Variants in ACE observed in about 807,000 individuals in gnomAD.
ACE encodes the protein angiotensin I converting enzyme, also known as angiotensin-converting enzyme.
A neutral mutation model predicts 162.3 loss-of-function variants in ACE; 122 were observed. The observed-to-expected ratio is 0.75, with a 90% CI of 0.65 to 0.87. The LOEUF is 0.87. Ranked by LOEUF, ACE falls within the 40% of genes least tolerant of loss-of-function variation. ACE has a pLI of 0.00. For missense variants in ACE, 1,799 were observed against 1,735.1 expected (o/e 1.04, Z -0.65); for synonymous variants, 796 against 720.6 (o/e 1.10, Z -1.68).
rs766909364 is a variant in ACE, at chr17:63,483,480, GTCC to G, written c.1513_1515del (p.Pro505del). On this transcript the variant is annotated inframe_deletion, in exon 10 of 25. Coordinates refer to ENST00000290866, the MANE Select transcript of ACE (RefSeq NM_000789.4). Reference sequence around the variant, plus strand: ...TCCAGAACCAAGTATCAGGGGATCTGTCCTCCTGTTACCCGAAACGAAACCCAC... The same window carrying G: ...TCCAGAACCAAGTATCAGGGGATCTGTCCTGTTACCCGAAACGAAACCCAC... The G allele has an allele frequency of 2.3e-5, 37 of 1,614,054 alleles. No homozygotes were observed. The East Asian group carries it at 2.9e-4, about 13-fold the overall frequency.
chr17:63,481,458 A>C, intron 6 of ACE, 108 bp from the exon 7 acceptor site: 1 of 1,266,000 alleles, frequency 7.9e-7, no homozygotes, highest in Non-Finnish European at 1.1e-6. Flanking sequence ...GCCACAGAGC[A>C]GAGAAGCTTT....
intron 1 of ACE, 30 bp downstream of exon 1, chr17:63,477,373 G>A (rs1599136613): frequency 1.6e-6 from 2 of 1,221,224 alleles, no homozygotes; most frequent in South Asian, 3.3e-5. Flanking sequence ...CGGGGGCGGG[G>A]CGGGGCCGCG....
rs1476011360 is a variant in ACE at position 63,488,691 on chromosome 17, GT to G, written c.2351del (p.Leu784TyrfsTer36). ...MATSRKYEDL[L>X]WAWEGWRDKA... ...CCACGTCCCGGAAATATGAAGACCT[GT>G]TATGGGCATGGGAGGGCTGGCGAGA... On this transcript the variant is annotated frameshift_variant, in exon 16 of 25. Transcript: ENST00000290866. LOFTEE classifies it high-confidence loss of function. The G allele has an allele frequency of 1.2e-6, 2 of 1,613,532 alleles. No individual in the cohort carries two copies. Among genetic ancestry groups the G allele is most frequent in the Non-Finnish European group, 1.7e-6 (2 of 1,179,928 alleles).
chr17:63,493,413 C>T, intron 19 of ACE, 23 bp from the exon 20 acceptor site: 2 of 1,611,038 alleles, frequency 1.2e-6, no homozygotes, highest in East Asian at 2.2e-5. Flanking sequence ...CCAACACCCT[C>T]TCCCCCACTC....
chr17:63,477,288 T>G lies in ACE; in HGVS notation c.194T>G (p.Val65Gly). 1 of 1,440,298 alleles carries G rather than the reference T, an allele frequency of 6.9e-7. No homozygotes were observed. Among genetic ancestry groups the G allele is most frequent in the Non-Finnish European group, 9.2e-7 (1 of 1,090,718 alleles). The allele number at this position is 1,440,298 out of a possible 1,614,324, so 89.2% of individuals were successfully genotyped here. The change falls in exon 1 of 25, where the codon GTG (valine) becomes GGG (glycine). Residue 65 changes from valine to glycine, a missense_variant. Transcript: ENST00000290866. Reference protein sequence around the residue: ...SSAEQVLFQSVAASWAHDTNI... With the variant: ...SSAEQVLFQSGAASWAHDTNI... ...GCCGAACAGGTGCTGTTCCAGAGCG[T>G]GGCCGCCAGCTGGGCGCACGACACC...
chr17:63,496,532 C>T lies in ACE; in HGVS notation c.3503+16C>T, dbSNP rs191964738. The T allele has an allele frequency of 6.2e-7, 1 of 1,613,962 alleles. No homozygotes were observed. Among genetic ancestry groups the T allele is most frequent in the East Asian group, 2.2e-5 (1 of 44,888 alleles). On this transcript the variant is annotated intron_variant, in intron 23 of 24. Coordinates refer to ENST00000290866, the MANE Select transcript of ACE (RefSeq NM_000789.4). ...AGCGCCTGGCGTGAGTGTCCTCCAG[C>T]CCTCCTTTGTTTCCATGCTCTGGCC...
Position 63,479,051 on chromosome 17 carries a change from C to T in ACE, c.462C>T (p.Ala154=), listed in dbSNP as rs1211326142. 2 of 1,613,726 alleles carry T rather than the reference C, an allele frequency of 1.2e-6. No homozygotes were observed. The highest frequency in any genetic ancestry group is 2.2e-5 in the South Asian group (2 of 91,006). Residue 154 remains alanine, a synonymous_variant, in exon 3 of 25, where the codon GCC becomes GCT. Transcript: ENST00000290866. Reference sequence around the variant, plus strand: ...ACATGAGCAGGATCTACTCCACCGCCAAGGTCTGCCTCCCCAACAAGACTG... The same window carrying T: ...ACATGAGCAGGATCTACTCCACCGCTAAGGTCTGCCTCCCCAACAAGACTG... The part of the protein sequence containing the change: ...LSNMSRIYST[A]KVCLPNKTAT...
chr17:63,478,149 C>A, intron 2 of ACE, 51 bp downstream of exon 2: 2 of 1,547,258 alleles, frequency 1.3e-6, no homozygotes, highest in Non-Finnish European at 1.7e-6. Context: ...AGTGCCCCAT[C>A]GTGGGGGTCG....
chr17:63,481,189 G>T lies in ACE; in HGVS notation c.945+1G>T. The T allele has an allele frequency of 6.5e-7, 1 of 1,531,502 alleles. No homozygotes were observed. Among genetic ancestry groups the T allele is most frequent in the Non-Finnish European group, 8.9e-7 (1 of 1,125,168 alleles). 94.9% of individuals were successfully genotyped at this position (1,531,502 alleles called of 1,614,324 possible). A position where few individuals can be genotyped will look rare whatever the true frequency, so the allele number is the denominator to read the frequency against. On this transcript the variant is annotated splice_donor_variant, in intron 6 of 24. Coordinates refer to ENST00000290866, the MANE Select transcript of ACE (RefSeq NM_000789.4). LOFTEE classifies it high-confidence loss of function. ...TGTCACCAGTACTATGCTGCAGCAG[G>T]TAAGCTCTGGGCTCAAGCCTGGGGT...
intron 4 of ACE, 21 bp from the exon 5 acceptor site, chr17:63,480,316 A>G (rs1474224809): frequency 6.2e-7 from 1 of 1,612,702 alleles, no homozygotes; most frequent in Non-Finnish European, 8.5e-7. Context: ...TGAGCTACAT[A>G]CCTCACCCCC....
At chr17:63,485,433 C>A in intron 13 of ACE, 61 bp downstream of exon 13, 2 of 1,601,780 alleles carry the variant, frequency 1.2e-6, no homozygotes, top group Non-Finnish European at 1.7e-6. Flanking sequence ...GATGCTGTCC[C>A]GCTCACCACA....
chr17:63,489,306 C>T (rs1162459135), intron 17 of ACE, among the ~76,000 whole-genome samples, 174 bp downstream of exon 17: 1 of 152,170 alleles, frequency 6.6e-6, no homozygotes, highest in African/African-American at 2.4e-5. Context: ...GGGAGCCCCC[C>T]ACTTGCATCT....
rs2049629181 is a variant in ACE at position 63,477,150 on chromosome 17, T to TGTTGCTGCTGCCGCCGCA, written c.58_75dup (p.Leu20_Gln25dup). The stretch of plus-strand genomic sequence containing the variant: ...GGGCTGCTGCTGCCGCTGCCGCTGC[T>TGTTGCTGCTGCCGCCGCA]GTTGCTGCTGCCGCCGCAGCCCGCC... On this transcript the variant is annotated inframe_insertion, in exon 1 of 25. Transcript: ENST00000290866. The TGTTGCTGCTGCCGCCGCA allele has an allele frequency of 2.1e-6, 3 of 1,441,220 alleles. No individual in the cohort carries two copies. Among genetic ancestry groups the TGTTGCTGCTGCCGCCGCA allele is most frequent in the Non-Finnish European group, 2.7e-6 (3 of 1,097,792 alleles). 89.3% of individuals were successfully genotyped at this position (1,441,220 alleles called of 1,614,324 possible). A position where few individuals can be genotyped will look rare whatever the true frequency, so the allele number is the denominator to read the frequency against.
intron 5 of ACE, 139 bp from the exon 6 acceptor site, chr17:63,480,951 AT>A (rs1191376296): frequency 1.3e-6 from 1 of 792,234 alleles, no homozygotes; most frequent in South Asian, 1.4e-5. Context: ...GATGTGTGAG[AT>A]TTCTGGCCCT....
chr17:63,483,425 C>G, intron 9 of ACE, 35 bp from the exon 10 acceptor site: 1 of 1,581,648 alleles, frequency 6.3e-7, no homozygotes, highest in Non-Finnish European at 8.7e-7. Context: ...TTTGCAACCT[C>G]TAGGCCCTAA....
Position 63,484,539 on chromosome 17 carries a change from T to G in ACE, c.1919T>G (p.Ile640Arg), listed in dbSNP as rs1307478617. 1 of 1,610,712 alleles carries G rather than the reference T, an allele frequency of 6.2e-7. No homozygotes were observed. The highest frequency in any genetic ancestry group is 1.7e-5 in the Admixed American group (1 of 59,792). ...PPLPDNYPEG[I>R]DLVTDEAEAS... The stretch of plus-strand genomic sequence containing the variant: ...TTGCCTGACAACTACCCGGAGGGCA[T>G]AGGTAAAGCCCTGAGTGAGGATGGT... Residue 640 changes from isoleucine (I) to arginine (R), a missense_variant and splice_region_variant, in exon 12 of 25, where the codon ATA (isoleucine) becomes AGA (arginine). Physicochemically the swap from Ile to Arg is moderately conservative, Grantham distance 97 (BLOSUM62 -3). Transcript: ENST00000290866. The surrounding 1 kb of genome is among the most constrained non-coding windows in gnomAD (Gnocchi z 4.0).
At position 63,482,394 on chromosome 17, in the gene ACE, T is replaced by C. The variant is rs2049724767; in HGVS notation, c.1119-72T>C. Reference sequence around the variant, plus strand: ...CTCATTCCTGTCTTTCAGGTGCCAATCTGCCCTGTGCCCTGGCCCTGCCCT... The same window carrying C: ...CTCATTCCTGTCTTTCAGGTGCCAACCTGCCCTGTGCCCTGGCCCTGCCCT... On this transcript the variant is annotated intron_variant, in intron 7 of 24. Coordinates refer to ENST00000290866, the MANE Select transcript of ACE (RefSeq NM_000789.4). 3 of 1,407,966 alleles carry C rather than the reference T, an allele frequency of 2.1e-6. No homozygotes were observed. In the Admixed American group the frequency reaches 5.6e-5, roughly 26 times the overall value. 87.2% of individuals were successfully genotyped at this position (1,407,966 alleles called of 1,614,324 possible).
intron 17 of ACE, 92 bp from the exon 18 acceptor site, chr17:63,490,862 C>T (rs2030321936): frequency 8.5e-7 from 1 of 1,171,444 alleles, no homozygotes; most frequent in Non-Finnish European, 1.3e-6. Context: ...ATTAGCAGGA[C>T]TGGGATCTGG....
chr17:63,494,262 G>A (rs2030587002), intron 21 of ACE, 110 bp from the exon 22 acceptor site: 1 of 1,274,476 alleles, frequency 7.8e-7, no homozygotes, highest in African/African-American at 1.5e-5. Flanking sequence ...GCAGGAGAAT[G>A]GGGTGCCCAG....
Sources: gnomAD v4.1 joint callset for allele counts (sites outside exome capture counted in the v4.1 genomes callset) on GRCh38, gnomAD v4.1.1 for gene constraint, Gnocchi (gnomAD v3.1) non-coding constraint, MANE v1.5 for transcripts, NCBI Gene and HGNC (gene_info 2026-07-23, HGNC 2026-07-21) for gene names.